The following LRRC1 variants were observed in gnomAD, a reference collection of about 807,000 sequenced individuals.
LRRC1 encodes leucine-rich repeat-containing protein 1.
Under a neutral mutation model 69.9 loss-of-function variants are expected in LRRC1, and 28 were observed. The observed-to-expected ratio is 0.40, with a 90% CI of 0.30 to 0.55. The LOEUF (loss-of-function observed/expected upper bound fraction) is 0.55, where lower values mean the gene tolerates loss of function less well. Ranked by LOEUF, LRRC1 falls within the 20% of genes least tolerant of loss-of-function variation. The probability of loss-of-function intolerance (pLI) is 0.47; values close to 1 mark genes in which losing one functional copy is unlikely to be tolerated. For synonymous variants in LRRC1, 236 were observed against 240.2 expected (o/e 0.98, Z 0.16); for missense variants, 498 against 609.0 (o/e 0.82, Z 1.92).
At chr6:53,892,011 TACACACACACACACAC>T (rs70980877) in intron 4 of LRRC1, among the ~76,000 whole-genome samples, 3 of 135,340 alleles carry the variant, frequency 2.2e-5, no homozygotes, top group Admixed American at 7.9e-5. Context: ...TATATATATA[TACACACACACACACAC>T]ACACACACAC....
intron 1 of LRRC1, among the ~76,000 whole-genome samples, chr6:53,817,489 C>T (rs760816974): frequency 6.6e-6 from 1 of 152,092 alleles, no homozygotes; most frequent in Non-Finnish European, 1.5e-5. Context: ...GTGCAATACT[C>T]AGTTATTAGC....
intron 2 of LRRC1, among the ~76,000 whole-genome samples, chr6:53,851,289 C>A (rs902932375): frequency 6.6e-6 from 1 of 151,404 alleles, no homozygotes; most frequent in Non-Finnish European, 1.5e-5. Context: ...GGAATTAATT[C>A]ATATATTTCT....
intron 2 of LRRC1, among the ~76,000 whole-genome samples, chr6:53,858,764 T>C (rs890632619): frequency 6.6e-6 from 1 of 152,202 alleles, no homozygotes; most frequent in African/African-American, 2.4e-5. Flanking sequence ...TTACAGCCCC[T>C]TTATCCTGCT....
rs1033699649 is a variant in LRRC1 at position 53,842,323 on chromosome 6, G to T, written c.277+96G>T. On this transcript the variant is annotated intron_variant, in intron 2 of 13. Coordinates refer to ENST00000370888, the MANE Select transcript of LRRC1 (RefSeq NM_018214.5). The stretch of plus-strand genomic sequence containing the variant: ...TACGAGTGAGAACATGCGGTGTTTG[G>T]TTTTTTGTCCTTGTGATAGTTCGCT... 3.9e-6 allele frequency: 3 copies of T among 778,874 alleles called. No homozygotes were observed. In the South Asian group the frequency reaches 5.1e-5, roughly 13 times the overall value. The allele number at this position is 778,874 out of a possible 1,614,324, so 48.2% of individuals were successfully genotyped here. A position where few individuals can be genotyped will look rare whatever the true frequency, so the allele number is the denominator to read the frequency against.
intron 8 of LRRC1, among the ~76,000 whole-genome samples, chr6:53,900,276 A>T (rs538905179): frequency 1.5e-3 from 234 of 152,048 alleles, no homozygotes; most frequent in Non-Finnish European, 2.1e-3. Flanking sequence ...TGACCTCGTG[A>T]TCCGCCCGCC....
chr6:53,899,828 C>T lies in LRRC1; in HGVS notation c.724C>T (p.Leu242=). 1 of 1,614,026 alleles carries T rather than the reference C, an allele frequency of 6.2e-7. No individual in the cohort carries two copies. Among genetic ancestry groups the T allele is most frequent in the Non-Finnish European group, 8.5e-7 (1 of 1,179,926 alleles). ...AAGACTTCCTGAAGAAATCAGTGGC[C>T]TGACTTCATTAACGGATTTAGTCAT... ...LERLPEEISG[L]TSLTDLVISQ... The change falls in exon 8 of 14, where the codon CTG becomes TTG. Residue 242 remains leucine, a synonymous_variant. Coordinates refer to ENST00000370888, the MANE Select transcript of LRRC1 (RefSeq NM_018214.5).
intron 3 of LRRC1, 24 bp from the exon 4 acceptor site, chr6:53,882,863 T>G: frequency 1.4e-6 from 2 of 1,473,172 alleles, no homozygotes; most frequent in Non-Finnish European, 1.9e-6. Context: ...ATTTACAGCG[T>G]TTTGTTTGTT....
At chr6:53,907,435 T>G (rs185928885) in intron 10 of LRRC1, among the ~76,000 whole-genome samples, 1 of 152,202 alleles carries the variant, frequency 6.6e-6, no homozygotes, top group Non-Finnish European at 1.5e-5. Flanking sequence ...TTGCATTTTT[T>G]CCCCAAATGG....
rs751930996 is a variant in LRRC1 at position 53,896,365 on chromosome 6, T to A, written c.447-133T>A. On this transcript the variant is annotated intron_variant, in intron 4 of 13. Transcript: ENST00000370888. ...GTGTGGGGGGTGGTGATGATAGGTA[T>A]TTTTACCCTGGTAAGTGACCTACTA... 7.3e-4 allele frequency: 522 copies of A among 719,474 alleles called. 2 individuals are homozygous for A. The highest frequency in any genetic ancestry group is 1.0e-3 in the Non-Finnish European group (411 of 408,972). The allele number at this position is 719,474 out of a possible 1,614,324, so 44.6% of individuals were successfully genotyped here.
chr6:53,838,362 C>T lies in LRRC1; in HGVS notation c.160-3748C>T, dbSNP rs191264396. ...ATGCTGGTAACATGCAGAACCAAAC[C>T]TTAAATTTGCATGCTGTTATGACTT... is the stretch of plus-strand genomic sequence containing the variant. On this transcript the variant is annotated intron_variant, in intron 1 of 13. Coordinates refer to ENST00000370888, the MANE Select transcript of LRRC1 (RefSeq NM_018214.5). 2.6e-3 allele frequency among the ~76,000 whole-genome samples: 391 copies of T among 152,228 alleles called. 1 individual carries two copies. Among genetic ancestry groups the T allele is most frequent in the African/African-American group, 8.7e-3 (363 of 41,528 alleles).
Position 53,896,811 on chromosome 6 carries a change from A to T in LRRC1, c.504-18A>T. 1 of 1,531,438 alleles carries T rather than the reference A, an allele frequency of 6.5e-7. No homozygotes were observed. Among genetic ancestry groups the T allele is most frequent in the Non-Finnish European group, 9.0e-7 (1 of 1,107,086 alleles). The allele number at this position is 1,531,438 out of a possible 1,614,324, so 94.9% of individuals were successfully genotyped here. On this transcript the variant is annotated intron_variant, in intron 5 of 13. Coordinates refer to ENST00000370888, the MANE Select transcript of LRRC1 (RefSeq NM_018214.5). ...TCTAAGTATTCTCTAAGTGCTCTTT[A>T]TTTATTTTTTAAAATAGCTCTCTTA... is the stretch of plus-strand genomic sequence containing the variant.
chr6:53,856,695 G>T (rs530535842), intron 2 of LRRC1, among the ~76,000 whole-genome samples: 4 of 152,224 alleles, frequency 2.6e-5, no homozygotes, highest in African/African-American at 4.8e-5. Flanking sequence ...CAAAAGGCTT[G>T]TGTGTTTGCT....
At chr6:53,836,061 T>C (rs1055570718) in intron 1 of LRRC1, among the ~76,000 whole-genome samples, 1 of 152,224 alleles carries the variant, frequency 6.6e-6, no homozygotes, top group Admixed American at 6.5e-5. Flanking sequence ...TTTTGAATGC[T>C]CTCTGGGAGC....
intron 10 of LRRC1, among the ~76,000 whole-genome samples, chr6:53,911,887 T>C (rs1768423467): frequency 6.6e-6 from 1 of 152,214 alleles, no homozygotes; most frequent in Admixed American, 6.5e-5. Flanking sequence ...GTTGATTCCC[T>C]TCCTCAAGGG....
At chr6:53,853,204 T>C (rs1766195639) in intron 2 of LRRC1, among the ~76,000 whole-genome samples, 2 of 152,118 alleles carry the variant, frequency 1.3e-5, no homozygotes, top group Non-Finnish European at 2.9e-5. Context: ...TAGTATCACA[T>C]TGGGCATTCA....
In LRRC1 at chr6:53,853,266, A is replaced by G. The variant is rs555552290; in HGVS notation, c.277+11039A>G. On this transcript the variant is annotated intron_variant, in intron 2 of 13. Coordinates refer to ENST00000370888, the MANE Select transcript of LRRC1 (RefSeq NM_018214.5). ...CCAACATTCAGGTGGTATTACATAA[A>G]TAACAGGTGGTTCATATTTTTTTTT... is the stretch of plus-strand genomic sequence containing the variant. 1.5e-4 allele frequency among the ~76,000 whole-genome samples: 22 copies of G among 150,912 alleles called. No homozygotes were observed. The South Asian group carries it at 4.0e-3, about 27-fold the overall frequency.
intron 4 of LRRC1, among the ~76,000 whole-genome samples, chr6:53,883,752 G>A (rs1190896087): frequency 2.0e-5 from 3 of 152,206 alleles, no homozygotes; most frequent in Non-Finnish European, 4.4e-5. Flanking sequence ...GTAGACCAGT[G>A]TTCCCTAGCA....
At chr6:53,908,512 G>A (rs548870987) in intron 10 of LRRC1, among the ~76,000 whole-genome samples, 1 of 152,160 alleles carries the variant, frequency 6.6e-6, no homozygotes, top group Admixed American at 6.5e-5. Context: ...ATTCTAAAAT[G>A]AATTATTGAT....
At chr6:53,848,053 C>G (rs996745920) in intron 2 of LRRC1, among the ~76,000 whole-genome samples, 3 of 152,130 alleles carry the variant, frequency 2.0e-5, no homozygotes, top group Non-Finnish European at 4.4e-5. Context: ...AGCAAACTGC[C>G]CCAGTGGCTG....
Sources: allele counts gnomAD v4.1 joint callset (sites outside exome capture counted in the v4.1 genomes callset), GRCh38; gene constraint gnomAD v4.1.1; transcripts MANE v1.5; gene names NCBI Gene and HGNC (gene_info 2026-07-23, HGNC 2026-07-21).